The following UBE2E3 variants were observed in gnomAD, a reference collection of about 807,000 sequenced individuals.
The protein encoded by UBE2E3 is ubiquitin conjugating enzyme E2 E3.
A neutral mutation model predicts 23.6 loss-of-function variants in UBE2E3; 5 were observed. That is an observed-to-expected ratio of 0.21 (90% CI 0.11 to 0.44). UBE2E3 has a LOEUF of 0.44. Ranked by LOEUF, UBE2E3 falls within the 20% of genes least tolerant of loss-of-function variation. UBE2E3 has a pLI of 0.99. For missense variants in UBE2E3, 81 were observed against 249.8 expected, an observed-to-expected ratio of 0.32 and a Z score of 4.55; for synonymous variants, 78 against 87.5, an observed-to-expected ratio of 0.89 and a Z score of 0.60.
intron 3 of UBE2E3, among the ~76,000 whole-genome samples, chr2:180,989,177 G>C (rs1413987143): frequency 6.6e-6 from 1 of 151,974 alleles, no homozygotes; most frequent in Non-Finnish European, 1.5e-5. Context: ...GCAAATTGAC[G>C]TTTTATTTTT....
At chr2:181,037,031 T>G (rs1251027273) in intron 3 of UBE2E3, among the ~76,000 whole-genome samples, 1 of 152,198 alleles carries the variant, frequency 6.6e-6, no homozygotes, top group Non-Finnish European at 1.5e-5. Context: ...ATAATGACAT[T>G]TTGATGAACA....
chr2:181,001,758 G>A (rs1684996826), intron 3 of UBE2E3, among the ~76,000 whole-genome samples: 1 of 152,098 alleles, frequency 6.6e-6, no homozygotes, highest in Non-Finnish European at 1.5e-5. Flanking sequence ...ATAGAGACTT[G>A]GGTAACAAAT....
At chr2:181,038,949 ACT>A (rs1237302415) in intron 3 of UBE2E3, among the ~76,000 whole-genome samples, 1 of 151,988 alleles carries the variant, frequency 6.6e-6, no homozygotes, top group Non-Finnish European at 1.5e-5. Flanking sequence ...AGCCGTTGAA[ACT>A]CTCATACATT....
At chr2:181,009,595 C>T (rs1038015251) in intron 3 of UBE2E3, among the ~76,000 whole-genome samples, 4 of 146,872 alleles carry the variant, frequency 2.7e-5, no homozygotes, top group African/African-American at 9.8e-5. Flanking sequence ...CTTTTTTGTT[C>T]AGATAACCAA....
At chr2:180,984,224 A>C in intron 3 of UBE2E3, 131 bp downstream of exon 3, 2 of 643,366 alleles carry the variant, frequency 3.1e-6, no homozygotes, top group East Asian at 5.8e-5. Flanking sequence ...TGCATTAAAC[A>C]AAAATTGTAG....
intron 5 of UBE2E3, among the ~76,000 whole-genome samples, chr2:181,062,167 G>A (rs1264010004): frequency 6.6e-6 from 1 of 150,892 alleles, no homozygotes; most frequent in Non-Finnish European, 1.5e-5. Flanking sequence ...GAGTCAGGAA[G>A]GAAGATAGTT....
At chr2:181,020,497 C>T (rs910432011) in intron 3 of UBE2E3, among the ~76,000 whole-genome samples, 1 of 152,184 alleles carries the variant, frequency 6.6e-6, no homozygotes, top group African/African-American at 2.4e-5. Flanking sequence ...GCCTACAATT[C>T]AAGCTGTCAC....
intron 5 of UBE2E3, 46 bp downstream of exon 5, chr2:181,060,858 G>GTT: frequency 2.5e-6 from 1 of 404,100 alleles, no homozygotes; most frequent in Non-Finnish European, 3.7e-6. Context: ...ACAAAAACGA[G>GTT]TGCTTTTTTT....
chr2:181,034,425 G>C (rs1686194866), intron 3 of UBE2E3, among the ~76,000 whole-genome samples: 1 of 152,204 alleles, frequency 6.6e-6, no homozygotes, highest in African/African-American at 2.4e-5. Context: ...ACTGTTGCAA[G>C]AACAGAAAAC....
intron 3 of UBE2E3, among the ~76,000 whole-genome samples, chr2:181,027,245 A>G (rs1050467985): frequency 1.3e-5 from 2 of 151,938 alleles, no homozygotes; most frequent in Admixed American, 6.6e-5. Context: ...GCATTTGTGC[A>G]TAAGTTAAAT....
chr2:180,981,005 GGGCGGCCGGGGCGGC>G (rs1402788050), intron 1 of UBE2E3, 32 bp downstream of exon 1: 1 of 146,556 alleles, frequency 6.8e-6, no homozygotes, highest in South Asian at 1.8e-4. Context: ...GCCGCGTGGG[GGGCGGCCGGGGCGGC>G]GGCGGCGGTG....
intron 3 of UBE2E3, among the ~76,000 whole-genome samples, chr2:180,985,951 TC>T (rs148954830): frequency 0.23 from 35,142 of 152,036 alleles, 4,427 homozygotes; most frequent in Non-Finnish European, 0.28. Context: ...CCGGAATGTT[TC>T]CTCAAGGTCA....
chr2:180,982,545 A>G (rs1449530326), intron 2 of UBE2E3, among the ~76,000 whole-genome samples: 2 of 152,190 alleles, frequency 1.3e-5, no homozygotes, highest in African/African-American at 4.8e-5. Context: ...CCCAAATTAG[A>G]TGGTACTTTG....
chr2:181,005,409 C>G (rs1308047701), intron 3 of UBE2E3, among the ~76,000 whole-genome samples: 1 of 152,206 alleles, frequency 6.6e-6, no homozygotes, highest in Non-Finnish European at 1.5e-5. Flanking sequence ...GGCCACTGCT[C>G]TATCCCCAGG....
chr2:181,012,208 C>T (rs1685350443), intron 3 of UBE2E3, among the ~76,000 whole-genome samples: 1 of 152,148 alleles, frequency 6.6e-6, no homozygotes, highest in Non-Finnish European at 1.5e-5. Context: ...ACTACATTAA[C>T]AACACTGATT....
chr2:180,995,419 T>C (rs1303867771), intron 3 of UBE2E3, among the ~76,000 whole-genome samples: 1 of 152,208 alleles, frequency 6.6e-6, no homozygotes, highest in Non-Finnish European at 1.5e-5. Flanking sequence ...TTGCTTATTT[T>C]ACTATAAGAA....
At chr2:181,002,931 G>T (rs1685031713) in intron 3 of UBE2E3, among the ~76,000 whole-genome samples, 3 of 152,216 alleles carry the variant, frequency 2.0e-5, no homozygotes, top group Admixed American at 1.3e-4. Flanking sequence ...GATGTGAAAG[G>T]TCTGAAAGAA....
chr2:181,029,631 C>T (rs1362423689), intron 3 of UBE2E3, among the ~76,000 whole-genome samples: 1 of 143,230 alleles, frequency 7.0e-6, no homozygotes, highest in African/African-American at 2.6e-5. Flanking sequence ...TTATACATTA[C>T]ATTCTTTGAT....
chr2:180,986,962 C>T (rs544575693), intron 3 of UBE2E3, among the ~76,000 whole-genome samples: 137 of 151,792 alleles, frequency 9.0e-4, no homozygotes, highest in African/African-American at 3.1e-3. Flanking sequence ...ACATACATAC[C>T]CAGGGTGATC....
Sources: gnomAD v4.1 joint callset for allele counts (sites outside exome capture counted in the v4.1 genomes callset) on GRCh38, gnomAD v4.1.1 for gene constraint, MANE v1.5 for transcripts, NCBI Gene and HGNC (gene_info 2026-07-23, HGNC 2026-07-21) for gene names.